TFDP2: variants seen among roughly 807,000 people sequenced by gnomAD.
TFDP2 encodes transcription factor Dp-2 (E2F dimerization partner 2).
TFDP2 carries 17 observed loss-of-function variants against 59.3 expected under a neutral mutation model. The observed-to-expected ratio is 0.29, with a 90% CI of 0.20 to 0.43. The LOEUF (loss-of-function observed/expected upper bound fraction) is 0.43. TFDP2 is among the 20% of genes least tolerant of loss of function. TFDP2 has a pLI of 1.00. For synonymous variants in TFDP2, 180 were observed against 194.7 expected (o/e 0.92, Z 0.63); for missense variants, 391 against 528.8 (o/e 0.74, Z 2.56).
chr3:141,991,447 A>C lies in TFDP2; in HGVS notation c.356+2091T>G, dbSNP rs1942751082. Among the ~76,000 whole-genome samples the C allele has an allele frequency of 2.0e-5, 3 of 152,248 alleles. No individual in the cohort carries two copies. The South Asian group carries it at 6.2e-4, about 32-fold the overall frequency. ...TGTTTATAAAATTAACCCTTGACCT[A>C]ATTAGCAAAAAAGTAAAAAATAAAA... is the stretch of plus-strand genomic sequence containing the variant. On this transcript the variant is annotated intron_variant, in intron 6 of 12. Transcript: ENST00000489671.
chr3:142,134,988 C>G (rs1041984744), intron 1 of TFDP2, among the ~76,000 whole-genome samples: 4 of 152,150 alleles, frequency 2.6e-5, no homozygotes, highest in Non-Finnish European at 4.4e-5. Flanking sequence ...TTGTTCATAA[C>G]AGCATCATTA....
intron 9 of TFDP2, among the ~76,000 whole-genome samples, chr3:141,968,052 G>A (rs897574842): frequency 6.6e-6 from 1 of 151,632 alleles, no homozygotes; most frequent in African/African-American, 2.4e-5. Flanking sequence ...AGCTCTTAGG[G>A]GATACTGCAG....
At chr3:141,988,226 G>A (rs1015959224) in intron 6 of TFDP2, among the ~76,000 whole-genome samples, 10 of 152,162 alleles carry the variant, frequency 6.6e-5, no homozygotes, top group Non-Finnish European at 1.0e-4. Context: ...GATGCCAGGC[G>A]TGAGCCACCG....
Position 141,953,519 on chromosome 3 carries a change from G to A in TFDP2, c.1052-503C>T, listed in dbSNP as rs1235579209. 3.3e-5 allele frequency among the ~76,000 whole-genome samples: 5 copies of A among 152,250 alleles called. No individual in the cohort carries two copies. In the East Asian group the frequency reaches 7.7e-4, roughly 24 times the overall value. On this transcript the variant is annotated intron_variant, in intron 11 of 12. Coordinates refer to ENST00000489671, the MANE Select transcript of TFDP2 (RefSeq NM_001178139.2). ...AACCCCCGCCGCAATGTCTTTTCAG[G>A]TGCCTGCTGCTGGTGAACTCAATGC...
rs181215337 is a variant in TFDP2 at position 142,027,497 on chromosome 3, T to G, written c.83-21953A>C. 3.4e-3 allele frequency among the ~76,000 whole-genome samples: 513 copies of G among 152,024 alleles called. 3 individuals carry two copies. Among genetic ancestry groups the G allele is most frequent in the African/African-American group, 0.012 (495 of 41,490 alleles). ...GCCTGACCTCCTCTCCCTCTCCCTC[T>G]CCCTCTCCCACTCCCGCTCCCCACC... is the stretch of plus-strand genomic sequence containing the variant. On this transcript the variant is annotated intron_variant, in intron 3 of 12. Coordinates refer to ENST00000489671, the MANE Select transcript of TFDP2 (RefSeq NM_001178139.2).
chr3:142,088,754 G>A (rs150710331), intron 3 of TFDP2, among the ~76,000 whole-genome samples: 316 of 151,826 alleles, frequency 2.1e-3, no homozygotes, highest in African/African-American at 7.4e-3. Context: ...GGGATCATAG[G>A]CATGAGCTAC....
intron 3 of TFDP2, among the ~76,000 whole-genome samples, chr3:142,030,264 C>T (rs1209057459): frequency 6.6e-6 from 1 of 152,172 alleles, no homozygotes; most frequent in Non-Finnish European, 1.5e-5. Flanking sequence ...GAAAATACAA[C>T]CTATATGGCC....
At chr3:142,052,373 T>TAAA (rs62921761) in intron 3 of TFDP2, among the ~76,000 whole-genome samples, 1 of 144,210 alleles carries the variant, frequency 6.9e-6, no homozygotes, top group East Asian at 2.1e-4. Flanking sequence ...CTGCCTCTAC[T>TAAA]AAAAAAAAAA....
At chr3:142,098,007 G>T (rs1321398043) in intron 2 of TFDP2, among the ~76,000 whole-genome samples, 3 of 152,124 alleles carry the variant, frequency 2.0e-5, no homozygotes, top group Non-Finnish European at 4.4e-5. Context: ...TGGCCAGGCT[G>T]GTCTCGAACT....
chr3:142,077,683 G>A (rs1470538505), intron 3 of TFDP2, among the ~76,000 whole-genome samples: 1 of 152,028 alleles, frequency 6.6e-6, no homozygotes, highest in Non-Finnish European at 1.5e-5. Flanking sequence ...CAGTAGACAG[G>A]CAATACACTT....
intron 3 of TFDP2, among the ~76,000 whole-genome samples, chr3:142,007,973 C>T (rs1018010983): frequency 6.6e-6 from 1 of 152,156 alleles, no homozygotes; most frequent in South Asian, 2.1e-4. Flanking sequence ...CGGACTGGTA[C>T]CTGGTGGCCA....
chr3:141,995,508 A>C (rs1282945574), intron 4 of TFDP2, among the ~76,000 whole-genome samples: 1 of 152,246 alleles, frequency 6.6e-6, no homozygotes, highest in Non-Finnish European at 1.5e-5. Context: ...ACAGCAAATC[A>C]CACTTCCACA....
rs879281393 is a variant in TFDP2 at position 141,977,267 on chromosome 3, TA to T, written c.519+1252del. 5.9e-3 allele frequency among the ~76,000 whole-genome samples: 855 copies of T among 143,862 alleles called. 6 individuals carry two copies. Among genetic ancestry groups the T allele is most frequent in the African/African-American group, 0.02 (781 of 39,358 alleles). 94.4% of individuals were successfully genotyped at this position (143,862 alleles called of 152,430 possible). On this transcript the variant is annotated intron_variant, in intron 7 of 12. Transcript: ENST00000489671. ...TTTGTGCCACTGCACCTCGCTAATT[TA>T]AAAAAAAAAACTTTTTGTAGAGGTC...
intron 3 of TFDP2, among the ~76,000 whole-genome samples, chr3:142,021,739 T>C (rs1273913743): frequency 6.6e-6 from 1 of 152,242 alleles, no homozygotes; most frequent in Non-Finnish European, 1.5e-5. Flanking sequence ...CAGTATCTCC[T>C]CATTGCTTAA....
chr3:142,144,583 C>T lies in TFDP2; in HGVS notation c.-93+4600G>A, dbSNP rs150340086. On this transcript the variant is annotated intron_variant, in intron 1 of 12. Coordinates refer to ENST00000489671, the MANE Select transcript of TFDP2 (RefSeq NM_001178139.2). ...TAGAGATAGGGTCTCACTCTGTTGC[C>T]CAGGCTGGAGTGCAGTGGCACGATC... is the stretch of plus-strand genomic sequence containing the variant. Among the ~76,000 whole-genome samples the T allele has an allele frequency of 1.4e-3, 215 of 152,094 alleles. 3 individuals are homozygous for T. The East Asian group carries it at 0.029, about 20-fold the overall frequency.
chr3:142,007,363 G>A (rs935472191), intron 3 of TFDP2, among the ~76,000 whole-genome samples: 1 of 151,984 alleles, frequency 6.6e-6, no homozygotes, highest in Non-Finnish European at 1.5e-5. Context: ...AATCCACCCA[G>A]TGATCTAATC....
chr3:141,971,729 G>T (rs1295200387), intron 8 of TFDP2, among the ~76,000 whole-genome samples: 2 of 152,110 alleles, frequency 1.3e-5, no homozygotes, highest in South Asian at 2.1e-4. Context: ...ACCCAAACAG[G>T]CCAGTTGCAG....
chr3:142,056,209 C>A (rs1486038892), intron 3 of TFDP2, among the ~76,000 whole-genome samples: 1 of 151,418 alleles, frequency 6.6e-6, no homozygotes, highest in East Asian at 1.9e-4. Context: ...ACCTCGGCCT[C>A]CCAAAGTGCT....
rs1026445351 is a variant in TFDP2, at chr3:141,970,128, C to T, written c.677G>A (p.Arg226Lys). ...CTTCTGCTTTATCCGTTCTATCCGCCTCTGCTTCTCTATCTTTAAAACATT... is the reference window on the plus strand; with the variant it reads ...CTTCTGCTTTATCCGTTCTATCCGCTTCTGCTTCTCTATCTTTAAAACATT... ...ECQNLEIEKQ[R>K]RIERIKQKRA... Residue 226 changes from arginine to lysine, a missense_variant, in exon 9 of 13, where the codon AGG becomes AAG. Arg to Lys is a conservative substitution (Grantham distance 26). This residue lies in a region of TFDP2 where 223 missense variants were observed against 292.5 expected (regional missense o/e 0.76). Coordinates refer to ENST00000489671, the MANE Select transcript of TFDP2 (RefSeq NM_001178139.2). The T allele has an allele frequency of 1.2e-5, 20 of 1,614,028 alleles. No individual in the cohort carries two copies. The highest frequency in any genetic ancestry group is 1.5e-5 in the Non-Finnish European group (18 of 1,179,990).
Sources: gnomAD v4.1 joint callset for allele counts (sites outside exome capture counted in the v4.1 genomes callset) on GRCh38, gnomAD v4.1.1 for gene constraint, gnomAD v4.1.1 regional missense constraint, MANE v1.5 for transcripts, NCBI Gene and HGNC (gene_info 2026-07-23, HGNC 2026-07-21) for gene names.